The following CAND2 variants were observed in gnomAD, a reference collection of about 807,000 sequenced individuals.
CAND2 encodes the protein cullin associated and neddylation dissociated 2 (putative), also known as cullin-associated NEDD8-dissociated protein 2.
Under a neutral mutation model 98.9 loss-of-function variants are expected in CAND2, and 62 were observed. The ratio of observed to expected loss-of-function variants is 0.63; its 90% CI spans 0.51 to 0.77. CAND2 has a LOEUF of 0.77. Among genes scored for constraint, CAND2 ranks in the 30% least tolerant of loss-of-function variants. CAND2 has a pLI of 0.00. For missense variants in CAND2, 1,501 were observed against 1,655.2 expected (o/e 0.91, Z 1.62); for synonymous variants, 770 against 731.9 (o/e 1.05, Z -0.84).
intron 1 of CAND2, among the ~76,000 whole-genome samples, chr3:12,802,571 G>A (rs3889513): frequency 0.49 from 73,662 of 151,802 alleles, 19,126 homozygotes; most frequent in Non-Finnish European, 0.6. Flanking sequence ...GGGGGCCACC[G>A]ATCCTGAAAC....
chr3:12,829,309 C>A (rs1202720591), intron 13 of CAND2, among the ~76,000 whole-genome samples: 2 of 152,156 alleles, frequency 1.3e-5, no homozygotes, highest in Non-Finnish European at 2.9e-5. Flanking sequence ...CCACGCTCGG[C>A]TAATTTTTAT....
chr3:12,810,582 C>T (rs2061844684), intron 5 of CAND2, among the ~76,000 whole-genome samples: 1 of 152,244 alleles, frequency 6.6e-6, no homozygotes, highest in Non-Finnish European at 1.5e-5. Flanking sequence ...CTGAGCTCGA[C>T]AAACCCCCAG....
At chr3:12,799,105 AT>A (rs2124830208) in intron 1 of CAND2, among the ~76,000 whole-genome samples, 1 of 152,312 alleles carries the variant, frequency 6.6e-6, no homozygotes, top group East Asian at 1.9e-4. Flanking sequence ...CAGTAGTATT[AT>A]TGGTTGAAAA....
At chr3:12,798,195 G>T (rs1407575511) in intron 1 of CAND2, among the ~76,000 whole-genome samples, 1 of 152,170 alleles carries the variant, frequency 6.6e-6, no homozygotes, top group Non-Finnish European at 1.5e-5. Flanking sequence ...ACACTGTTAT[G>T]ATTCTGTGCA....
Position 12,817,326 on chromosome 3 carries a change from G to A in CAND2, c.2394G>A (p.Lys798=), listed in dbSNP as rs1374728127. 6.2e-7 allele frequency: 1 copy of A among 1,613,832 alleles called. No homozygotes were observed. Among genetic ancestry groups the A allele is most frequent in the Non-Finnish European group, 8.5e-7 (1 of 1,180,034 alleles). Residue 798 remains lysine (K), a synonymous_variant, in exon 10 of 15, where the codon AAG becomes AAA. Coordinates refer to ENST00000456430, the MANE Select transcript of CAND2 (RefSeq NM_001162499.2). The part of the protein sequence containing the change: ...QAVDGGPGLH[K]QVFHSLARCV... Reference sequence around the variant, plus strand: ...TGGATGGTGGGCCTGGCCTGCACAAGCAGGTGTTCCACTCATTGGCCCGGT... The same window carrying A: ...TGGATGGTGGGCCTGGCCTGCACAAACAGGTGTTCCACTCATTGGCCCGGT...
At position 12,834,621 on chromosome 3, in the gene CAND2, AG is replaced by A. The variant is rs2062084599; in HGVS notation, c.*640del. 1 of 152,558 alleles carries A rather than the reference AG, an allele frequency of 6.6e-6. No homozygotes were observed. Among genetic ancestry groups the A allele is most frequent in the Non-Finnish European group, 1.5e-5 (1 of 68,302 alleles). 9.5% of individuals were successfully genotyped at this position (152,558 alleles called of 1,614,324 possible). A position where few individuals can be genotyped will look rare whatever the true frequency, so the allele number is the denominator to read the frequency against. On this transcript the variant is annotated 3_prime_UTR_variant, in exon 15 of 15. Transcript: ENST00000456430. ...CATTTCTAATTTCAAAATACTTATTAGCAAATTGGGCAACAATGGGCATCTT... is the reference window on the plus strand; with the variant it reads ...CATTTCTAATTTCAAAATACTTATTACAAATTGGGCAACAATGGGCATCTT...
intron 4 of CAND2, 52 bp downstream of exon 4, chr3:12,808,385 G>A (rs1325129596): frequency 1.1e-5 from 17 of 1,544,052 alleles, no homozygotes; most frequent in South Asian, 1.1e-4. Context: ...AGGGGACAGG[G>A]AGGGACTCAA....
At chr3:12,808,832 T>C (rs1218164552) in intron 4 of CAND2, among the ~76,000 whole-genome samples, 3 of 151,986 alleles carry the variant, frequency 2.0e-5, no homozygotes, top group African/African-American at 7.3e-5. Flanking sequence ...GGGGAGACTG[T>C]CCCCAGTCCA....
At chr3:12,799,661 T>C (rs2061752639) in intron 1 of CAND2, among the ~76,000 whole-genome samples, 1 of 152,230 alleles carries the variant, frequency 6.6e-6, no homozygotes, top group South Asian at 2.1e-4. Flanking sequence ...CTGTTCTTTG[T>C]TGAGCCTGGA....
In CAND2 at chr3:12,796,709, C is replaced by A; in HGVS notation, c.-12C>A. 1 of 1,569,036 alleles carries A rather than the reference C, an allele frequency of 6.4e-7. No homozygotes were observed. Among genetic ancestry groups the A allele is most frequent in the East Asian group, 2.4e-5 (1 of 42,050 alleles). ...TCCCTCCCGCCGGCCGGCTCCGCGG[C>A]GCGCAGCCACCATGAGCACCGCCGC... On this transcript the variant is annotated 5_prime_UTR_variant, in exon 1 of 15. Coordinates refer to ENST00000456430, the MANE Select transcript of CAND2 (RefSeq NM_001162499.2).
At chr3:12,812,037 T>C (rs931625283) in intron 5 of CAND2, among the ~76,000 whole-genome samples, 1 of 151,442 alleles carries the variant, frequency 6.6e-6, no homozygotes, top group Non-Finnish European at 1.5e-5. Context: ...GCCTCCCAAG[T>C]AGCTGGGATT....
At chr3:12,819,623 A>G (rs1456556653) in intron 10 of CAND2, among the ~76,000 whole-genome samples, 3 of 152,326 alleles carry the variant, frequency 2.0e-5, no homozygotes, top group African/African-American at 7.2e-5. Context: ...GGAATTCTGG[A>G]TCTGCTGTGT....
At position 12,825,560 on chromosome 3, in the gene CAND2, C is replaced by T. The variant is rs765538808; in HGVS notation, c.3131C>T (p.Ser1044Leu). 2.5e-5 allele frequency: 41 copies of T among 1,610,822 alleles called. No homozygotes were observed. Among genetic ancestry groups the T allele is most frequent in the Non-Finnish European group, 3.1e-5 (37 of 1,178,850 alleles). Residue 1044 changes from serine (S) to leucine (L), a missense_variant, in exon 12 of 15, where the codon TCG (serine) becomes TTG (leucine). Ser to Leu is a moderately radical substitution (Grantham distance 145, BLOSUM62 -2). Coordinates refer to ENST00000456430, the MANE Select transcript of CAND2 (RefSeq NM_001162499.2). ...AACTCAGCTGTGCACAACAAGCCCT[C>T]GCTAGTCCGGGACCTGCTGGATGAC... The part of the protein sequence containing the change: ...FFNSAVHNKP[S>L]LVRDLLDDIL...
At chr3:12,803,395 T>C (rs2061781101) in intron 1 of CAND2, 93 bp from the exon 2 acceptor site, 1 of 1,245,350 alleles carries the variant, frequency 8.0e-7, no homozygotes, top group East Asian at 2.5e-5. Context: ...AATCTTTGTA[T>C]TAAGGTCTAC....
intron 1 of CAND2, among the ~76,000 whole-genome samples, chr3:12,798,420 A>G (rs1368524386): frequency 6.6e-6 from 1 of 152,026 alleles, no homozygotes; most frequent in African/African-American, 2.4e-5. Flanking sequence ...GGCCACTGGG[A>G]CTATGCACTT....
At position 12,815,595 on chromosome 3, in the gene CAND2, G is replaced by C. The variant is rs1346241243; in HGVS notation, c.1299+162G>C. 3.3e-5 allele frequency among the ~76,000 whole-genome samples: 5 copies of C among 152,340 alleles called. No homozygotes were observed. Among genetic ancestry groups the C allele is most frequent in the Middle Eastern group, 3.4e-3 (1 of 294 alleles). ...GGCGGGAGCCAGCCAGGCTTCTGGA[G>C]TGTAGTAGTGACAGCCAGCCTGCCT... On this transcript the variant is annotated intron_variant, in intron 8 of 14. Coordinates refer to ENST00000456430, the MANE Select transcript of CAND2 (RefSeq NM_001162499.2). The surrounding 1 kb of genome is among the most constrained non-coding windows in gnomAD (Gnocchi z 5.7).
rs1194714183 is a variant in CAND2 at position 12,817,730 on chromosome 3, A to G, written c.2798A>G (p.Tyr933Cys). ...GCCCAGCCTGACAGCCTGAAGCCCT[A>G]CGCCGAGGACATCTGGGCCTTGCTG... ...GAAQPDSLKP[Y>C]AEDIWALLFQ... The change falls in exon 10 of 15, where the codon TAC becomes TGC. Residue 933 changes from tyrosine (Y) to cysteine (C), a missense_variant. Tyr to Cys is a radical substitution (Grantham distance 194, BLOSUM62 -2). This residue lies in a region of CAND2 where 1,427 missense variants were observed against 1,545.3 expected (regional missense o/e 0.92). Transcript: ENST00000456430. 3 of 1,587,296 alleles carry G rather than the reference A, an allele frequency of 1.9e-6. No individual in the cohort carries two copies. The highest frequency in any genetic ancestry group is 3.5e-5 in the Admixed American group (2 of 56,844).
chr3:12,821,293 G>A (rs1314315519), intron 11 of CAND2, among the ~76,000 whole-genome samples: 8 of 152,024 alleles, frequency 5.3e-5, no homozygotes, highest in Non-Finnish European at 1.2e-4. Flanking sequence ...TCAGCTGTTT[G>A]AGAGACTGAG....
chr3:12,812,640 A>G (rs1377031809), intron 5 of CAND2, among the ~76,000 whole-genome samples: 2 of 151,808 alleles, frequency 1.3e-5, no homozygotes, highest in African/African-American at 2.4e-5. Context: ...TCCTGACCTC[A>G]TGATCCACCC....
Sources: gnomAD v4.1 joint callset for allele counts (sites outside exome capture counted in the v4.1 genomes callset) on GRCh38, gnomAD v4.1.1 for gene constraint, gnomAD v4.1.1 regional missense constraint, Gnocchi (gnomAD v3.1) non-coding constraint, MANE v1.5 for transcripts, NCBI Gene and HGNC (gene_info 2026-07-23, HGNC 2026-07-21) for gene names.